SNTG2: variants seen among roughly 807,000 people sequenced by gnomAD.
SNTG2 encodes gamma-2-syntrophin.
SNTG2 carries 74 observed loss-of-function variants against 70.9 expected under a neutral mutation model. The observed-to-expected ratio is 1.04, with a 90% confidence interval of 0.86 to 1.27. The LOEUF (loss-of-function observed/expected upper bound fraction) is 1.27, where lower values mean the gene tolerates loss of function less well. SNTG2 is among the 50% of genes most tolerant of loss of function. The pLI is 0.00. For missense variants in SNTG2, 717 were observed against 690.7 expected (o/e 1.04, Z -0.43); for synonymous variants, 278 against 273.8 (o/e 1.02, Z -0.15).
chr2:1,307,355 CTGTA>C (rs1487620634), intron 14 of SNTG2, among the ~76,000 whole-genome samples: 3 of 139,916 alleles, frequency 2.1e-5, no homozygotes, highest in Non-Finnish European at 3.1e-5. Context: ...GCCATGCACT[CTGTA>C]TGTGTGTGTG....
At chr2:994,965 A>G (rs772471380) in intron 1 of SNTG2, among the ~76,000 whole-genome samples, 2 of 151,512 alleles carry the variant, frequency 1.3e-5, no homozygotes, top group Non-Finnish European at 1.5e-5. Flanking sequence ...ATTTTAACAG[A>G]TTTCTTAAAA....
Position 1,341,006 on chromosome 2 carries a change from G to T in SNTG2, c.1488+24631G>T, listed in dbSNP as rs903987797. ...AGTATCTCACTTAATTCTCCCAATA[G>T]ACACAGACTGGGGTTTGCCCCAATT... is the stretch of plus-strand genomic sequence containing the variant. On this transcript the variant is annotated intron_variant, in intron 16 of 16. Transcript: ENST00000308624. 2.0e-5 allele frequency: 3 copies of T among 152,174 alleles called. 1 individual carries two copies. In the South Asian group the frequency reaches 6.2e-4, roughly 32 times the overall value. 9.4% of individuals were successfully genotyped at this position (152,174 alleles called of 1,614,324 possible).
At chr2:1,152,320 C>T (rs901288489) in intron 6 of SNTG2, among the ~76,000 whole-genome samples, 13 of 151,940 alleles carry the variant, frequency 8.6e-5, no homozygotes, top group South Asian at 2.1e-4. Context: ...AGAAACAGAG[C>T]GAGTAGGAAA....
intron 12 of SNTG2, among the ~76,000 whole-genome samples, chr2:1,247,646 T>C (rs935419940): frequency 1.3e-5 from 2 of 152,186 alleles, no homozygotes; most frequent in Non-Finnish European, 2.9e-5. Flanking sequence ...CATTTCTTTC[T>C]TTAGTTCAAA....
At chr2:1,007,810 G>A (rs1296482490) in intron 1 of SNTG2, among the ~76,000 whole-genome samples, 1 of 152,214 alleles carries the variant, frequency 6.6e-6, no homozygotes, top group East Asian at 1.9e-4. Context: ...CTCACTCGAT[G>A]TCACCCAGGC....
intron 4 of SNTG2, among the ~76,000 whole-genome samples, chr2:1,132,244 T>TACACACAC (rs147286173): frequency 2.6e-5 from 4 of 150,950 alleles, no homozygotes; most frequent in Admixed American, 6.6e-5. Flanking sequence ...TGTGTATATA[T>TACACACAC]ATACACACAC....
chr2:1,154,035 T>C (rs1014199953), intron 6 of SNTG2, among the ~76,000 whole-genome samples: 13 of 152,170 alleles, frequency 8.5e-5, no homozygotes, highest in Admixed American at 3.9e-4. Context: ...ATGTTACTTA[T>C]ATAAGCAAAA....
chr2:1,004,023 A>G (rs1659488843), intron 1 of SNTG2, among the ~76,000 whole-genome samples: 1 of 152,194 alleles, frequency 6.6e-6, no homozygotes, highest in South Asian at 2.1e-4. Flanking sequence ...TTGGGAAGAG[A>G]GCTATTACAA....
intron 1 of SNTG2, among the ~76,000 whole-genome samples, chr2:972,644 G>A (rs1341801265): frequency 6.6e-6 from 1 of 152,092 alleles, no homozygotes; most frequent in Non-Finnish European, 1.5e-5. Flanking sequence ...TCGTGGGTGT[G>A]GATTTCTCAT....
chr2:1,114,883 T>C (rs1666833008), intron 4 of SNTG2, among the ~76,000 whole-genome samples: 1 of 152,078 alleles, frequency 6.6e-6, no homozygotes, highest in African/African-American at 2.4e-5. Flanking sequence ...TGGTGTGTAC[T>C]AAGTGTGGTT....
intron 6 of SNTG2, among the ~76,000 whole-genome samples, chr2:1,162,044 A>G (rs1346062390): frequency 2.3e-5 from 3 of 128,038 alleles, no homozygotes; most frequent in Non-Finnish European, 3.1e-5. Flanking sequence ...ACTGCACTCC[A>G]GCCTGGGCGA....
intron 16 of SNTG2, among the ~76,000 whole-genome samples, chr2:1,360,246 T>C (rs911616265): frequency 2.8e-5 from 4 of 145,338 alleles, no homozygotes; most frequent in Non-Finnish European, 4.5e-5. Context: ...TGGGGGACAG[T>C]CTGTTTTCTT....
chr2:1,303,087 T>C (rs1680527566), intron 14 of SNTG2, among the ~76,000 whole-genome samples: 1 of 152,104 alleles, frequency 6.6e-6, no homozygotes, highest in Non-Finnish European at 1.5e-5. Flanking sequence ...GAAAGACAAC[T>C]AGGTAAAATA....
At position 1,001,726 on chromosome 2, in the gene SNTG2, A is replaced by C. The variant is rs143714707; in HGVS notation, c.72+50658A>C. On this transcript the variant is annotated intron_variant, in intron 1 of 16. Coordinates refer to ENST00000308624, the MANE Select transcript of SNTG2 (RefSeq NM_018968.4). ...CTAGAGATTCAGTGCAATTCTCACC[A>C]AAATATTAATATCATTTTTTAAAAG... Among the ~76,000 whole-genome samples the C allele has an allele frequency of 2.6e-5, 4 of 152,214 alleles. No homozygotes were observed. In the South Asian group the frequency reaches 8.3e-4, roughly 32 times the overall value.
chr2:1,282,279 GC>G (rs1394575580), intron 14 of SNTG2, among the ~76,000 whole-genome samples: 1 of 152,062 alleles, frequency 6.6e-6, no homozygotes, highest in Non-Finnish European at 1.5e-5. Context: ...AAATATAAAA[GC>G]CCATTTTCAT....
At chr2:1,081,757 C>T (rs1445282786) in intron 1 of SNTG2, among the ~76,000 whole-genome samples, 2 of 152,268 alleles carry the variant, frequency 1.3e-5, no homozygotes, top group South Asian at 2.1e-4. Context: ...CACCCGTGTA[C>T]AGCCCCCTGG....
chr2:1,184,948 A>T lies in SNTG2; in HGVS notation c.591+11765A>T, dbSNP rs189463085. 8.3e-4 allele frequency among the ~76,000 whole-genome samples: 126 copies of T among 152,344 alleles called. 1 individual carries two copies. The highest frequency in any genetic ancestry group is 2.8e-3 in the African/African-American group (116 of 41,572). On this transcript the variant is annotated intron_variant, in intron 8 of 16. Transcript: ENST00000308624. ...TCCATAGTTCAAAGTCTCATCTAAG[A>T]CAAAGCAAGTCCCTTCCACCTATAA... is the stretch of plus-strand genomic sequence containing the variant.
chr2:1,095,750 G>A (rs1665349955), intron 2 of SNTG2, among the ~76,000 whole-genome samples: 1 of 152,118 alleles, frequency 6.6e-6, no homozygotes, highest in Non-Finnish European at 1.5e-5. Flanking sequence ...GTACTTGCTT[G>A]CATGAGTTTC....
At chr2:1,011,038 C>T (rs998017805) in intron 1 of SNTG2, among the ~76,000 whole-genome samples, 11 of 152,202 alleles carry the variant, frequency 7.2e-5, no homozygotes, top group African/African-American at 2.7e-4. Context: ...GGAAATGTTC[C>T]ATCTCAGAGG....
Sources: gnomAD v4.1 joint callset for allele counts (sites outside exome capture counted in the v4.1 genomes callset) on GRCh38, gnomAD v4.1.1 for gene constraint, MANE v1.5 for transcripts, NCBI Gene and HGNC (gene_info 2026-07-23, HGNC 2026-07-21) for gene names.